The following SMIM10L3 variants were observed in gnomAD, a reference collection of about 807,000 sequenced individuals.
SMIM10L3 encodes the protein salivary gland specific protein SAGSIN1.
the SMIM10L3 span, chr7:6,330,644 G>C: frequency 6.2e-7 from 1 of 1,614,098 alleles, no homozygotes; most frequent in South Asian, 1.1e-5. Context: ...GCACTTGGTG[G>C]GTCATCCTGA....
chr7:6,337,400 G>A, the SMIM10L3 span, among the ~76,000 whole-genome samples: 4 of 152,240 alleles, frequency 2.6e-5, no homozygotes, highest in Admixed American at 2.0e-4. Flanking sequence ...GGGATTACAG[G>A]CGTGAGCCAC....
the SMIM10L3 span, among the ~76,000 whole-genome samples, chr7:6,338,918 A>C: frequency 5.9e-5 from 9 of 152,290 alleles, 2 homozygotes; most frequent in African/African-American, 2.2e-4. Flanking sequence ...TGCCGCACGC[A>C]AGGAGAGCTC....
chr7:6,348,311 C>T, the SMIM10L3 span, among the ~76,000 whole-genome samples: 1 of 152,080 alleles, frequency 6.6e-6, no homozygotes, highest in Admixed American at 6.6e-5. Flanking sequence ...CTTTCCAGCC[C>T]ATGCAGTCTC....
At chr7:6,342,810 G>A in the SMIM10L3 span, among the ~76,000 whole-genome samples, 1 of 152,096 alleles carries the variant, frequency 6.6e-6, no homozygotes, top group Admixed American at 6.6e-5. Flanking sequence ...GCTGAGGCAG[G>A]AGGATTAGTT....
chr7:6,348,890 G>C, the SMIM10L3 span: 4 of 387,772 alleles, frequency 1.0e-5, no homozygotes, highest in East Asian at 7.4e-5. Context: ...GCGGGCCGCA[G>C]TGGAGCGGAG....
the SMIM10L3 span, among the ~76,000 whole-genome samples, chr7:6,347,841 G>A: frequency 2.0e-5 from 3 of 150,832 alleles, no homozygotes; most frequent in African/African-American, 4.9e-5. Flanking sequence ...ATCTCTTGAG[G>A]CCAGGAGTTC....
At chr7:6,330,806 C>G in the SMIM10L3 span, 2 of 1,614,206 alleles carry the variant, frequency 1.2e-6, no homozygotes, top group Non-Finnish European at 1.7e-6. Context: ...CTGCAGGACA[C>G]CCGAGCAAAA....
chr7:6,345,186 C>T, the SMIM10L3 span, among the ~76,000 whole-genome samples: 2 of 151,850 alleles, frequency 1.3e-5, no homozygotes, highest in South Asian at 2.1e-4. Context: ...ATCATGATCA[C>T]GGCTCACTGC....
chr7:6,339,274 C>T, the SMIM10L3 span, among the ~76,000 whole-genome samples: 1 of 152,078 alleles, frequency 6.6e-6, no homozygotes, highest in South Asian at 2.1e-4. Flanking sequence ...CGGAGACCAG[C>T]CTGAGCAACA....
chr7:6,330,197 A>G, the SMIM10L3 span: 8 of 640,590 alleles, frequency 1.2e-5, 1 homozygote, highest in Non-Finnish European at 2.2e-5. Context: ...ATGCCAAAAA[A>G]GTTCCTTCCG....
At chr7:6,340,047 G>C in the SMIM10L3 span, among the ~76,000 whole-genome samples, 2 of 152,046 alleles carry the variant, frequency 1.3e-5, no homozygotes, top group African/African-American at 2.4e-5. Context: ...ACCACACCCA[G>C]CTAATTTTTG....
the SMIM10L3 span, among the ~76,000 whole-genome samples, chr7:6,332,316 A>G: frequency 0.37 from 55,869 of 151,760 alleles, 12,910 homozygotes; most frequent in African/African-American, 0.65. Flanking sequence ...AAAATAGTCT[A>G]ATTAGTTTAA....
chr7:6,335,604 CTA>C, the SMIM10L3 span, among the ~76,000 whole-genome samples: 2 of 152,132 alleles, frequency 1.3e-5, no homozygotes, highest in South Asian at 4.1e-4. Context: ...TTAACATTTT[CTA>C]TGTTTTATAA....
the SMIM10L3 span, among the ~76,000 whole-genome samples, chr7:6,337,411 T>A: frequency 6.6e-6 from 1 of 151,624 alleles, no homozygotes; most frequent in Non-Finnish European, 1.5e-5. Flanking sequence ...CGTGAGCCAC[T>A]GCGCCCGCCC....
chr7:6,329,481 A>T, the SMIM10L3 span: 1 of 152,704 alleles, frequency 6.5e-6, no homozygotes, highest in Non-Finnish European at 1.5e-5. Context: ...CTAAAATAGC[A>T]CATGGCATAG....
chr7:6,331,249 T>C, the SMIM10L3 span: 3 of 1,296,134 alleles, frequency 2.3e-6, no homozygotes. Context: ...GGAAAGGGAA[T>C]CAAATTAAAG....
At chr7:6,342,754 G>C in the SMIM10L3 span, among the ~76,000 whole-genome samples, 1 of 151,972 alleles carries the variant, frequency 6.6e-6, no homozygotes, top group Non-Finnish European at 1.5e-5. Context: ...AGACTAAGCA[G>C]GGCCAGGTAT....
chr7:6,339,528 G>A, the SMIM10L3 span, among the ~76,000 whole-genome samples: 3 of 151,490 alleles, frequency 2.0e-5, no homozygotes, highest in Admixed American at 2.0e-4. Context: ...CTGTCGCCCA[G>A]GCTGGAGTGC....
At chr7:6,329,536 C>T in the SMIM10L3 span, 3 of 153,150 alleles carry the variant, frequency 2.0e-5, no homozygotes, top group East Asian at 1.9e-4. Flanking sequence ...TCGATAATCC[C>T]GAAAATGTTT....
Sources: allele counts gnomAD v4.1 joint callset (sites outside exome capture counted in the v4.1 genomes callset), GRCh38; gene constraint gnomAD v4.1.1; transcripts MANE v1.5; gene names NCBI Gene and HGNC (gene_info 2026-07-23, HGNC 2026-07-21).